The following CREB5 variants were observed in gnomAD, a reference collection of about 807,000 sequenced individuals.
CREB5 encodes cyclic AMP-responsive element-binding protein 5.
Under a neutral mutation model 57.1 loss-of-function variants are expected in CREB5, and 19 were observed. That is an observed-to-expected ratio of 0.33 (90% CI 0.23 to 0.49). The LOEUF is 0.49. CREB5 is among the 20% of genes least tolerant of loss of function. CREB5 has a pLI of 0.99. For synonymous variants in CREB5, 238 were observed against 238.3 expected (o/e 1.00, Z 0.01); for missense variants, 579 against 671.6 (o/e 0.86, Z 1.52).
At chr7:28,661,608 A>T (rs529265013) in intron 5 of CREB5, among the ~76,000 whole-genome samples, 1 of 152,306 alleles carries the variant, frequency 6.6e-6, no homozygotes, top group East Asian at 1.9e-4. Flanking sequence ...AACTTCATAA[A>T]TATAACTCCC....
At chr7:28,622,255 T>TCACACACACA (rs1248916778) in intron 5 of CREB5, among the ~76,000 whole-genome samples, 1 of 140,760 alleles carries the variant, frequency 7.1e-6, no homozygotes, top group African/African-American at 2.8e-5. Context: ...TCTCTCTCTC[T>TCACACACACA]CTCTCACACA....
chr7:28,448,360 A>G lies in CREB5; in HGVS notation c.3+35443A>G, dbSNP rs146077069. Among the ~76,000 whole-genome samples the G allele has an allele frequency of 3.2e-3, 488 of 152,336 alleles. 5 individuals are homozygous for G. Among genetic ancestry groups the G allele is most frequent in the African/African-American group, 0.011 (471 of 41,570 alleles). ...TCTGTCCCTCTAGAGAACCCTGACT[A>G]ACACAGTGTATGTATGGTTTTATTT... On this transcript the variant is annotated intron_variant, in intron 1 of 10. Coordinates refer to ENST00000357727, the MANE Select transcript of CREB5 (RefSeq NM_182898.4).
intron 1 of CREB5, among the ~76,000 whole-genome samples, chr7:28,368,235 G>A (rs1203668056): frequency 3.3e-5 from 5 of 152,128 alleles, no homozygotes; most frequent in Non-Finnish European, 5.9e-5. Flanking sequence ...GGACATTGGA[G>A]CCTTGGAAGG....
chr7:28,754,414 G>C (rs1221417957), intron 7 of CREB5, among the ~76,000 whole-genome samples: 1 of 152,160 alleles, frequency 6.6e-6, no homozygotes, highest in East Asian at 1.9e-4. Flanking sequence ...TATAATTTCT[G>C]CTTCTTTAAA....
intron 9 of CREB5, among the ~76,000 whole-genome samples, chr7:28,817,686 C>G (rs1369518565): frequency 1.3e-5 from 2 of 152,162 alleles, no homozygotes; most frequent in African/African-American, 4.8e-5. Flanking sequence ...CATAGTAACA[C>G]AAATAATGTA....
intron 5 of CREB5, among the ~76,000 whole-genome samples, chr7:28,599,951 C>T (rs310358): frequency 0.99 from 150,744 of 152,178 alleles, 74,683 homozygotes; most frequent in Middle Eastern, 1. Context: ...CTTATAAAGA[C>T]CACAGGGGAT....
intron 4 of CREB5, among the ~76,000 whole-genome samples, chr7:28,525,004 C>T (rs1260358976): frequency 7.1e-6 from 1 of 140,216 alleles, no homozygotes; most frequent in African/African-American, 2.6e-5. Context: ...TTCCCAGCTT[C>T]TGGTAACCAT....
chr7:28,560,827 C>CGTGCGCGTGCGTGCGT (rs1562797026), intron 4 of CREB5, among the ~76,000 whole-genome samples: 1 of 89,024 alleles, frequency 1.1e-5, no homozygotes, highest in Non-Finnish European at 2.3e-5. Context: ...TGTGTGCGCG[C>CGTGCGCGTGCGTGCGT]GCGCGCGTGT....
chr7:28,688,683 T>A (rs569681778), intron 5 of CREB5, among the ~76,000 whole-genome samples: 1 of 152,194 alleles, frequency 6.6e-6, no homozygotes, highest in Admixed American at 6.5e-5. Context: ...TATGTAGTTA[T>A]GTACTTATGG....
chr7:28,763,106 A>C (rs1291525917), intron 7 of CREB5, among the ~76,000 whole-genome samples: 1 of 152,174 alleles, frequency 6.6e-6, no homozygotes, highest in Non-Finnish European at 1.5e-5. Context: ...GTTCCAGGGC[A>C]TCTTGAGGGT....
At chr7:28,673,855 G>A (rs1372842659) in intron 5 of CREB5, among the ~76,000 whole-genome samples, 1 of 151,578 alleles carries the variant, frequency 6.6e-6, no homozygotes, top group Non-Finnish European at 1.5e-5. Flanking sequence ...TGTATTTTTT[G>A]TAGAGACGGG....
At chr7:28,358,090 T>C (rs1456584206) in intron 1 of CREB5, among the ~76,000 whole-genome samples, 1 of 152,160 alleles carries the variant, frequency 6.6e-6, no homozygotes, top group African/African-American at 2.4e-5. Context: ...GTCTGAGGCA[T>C]CTTGCATACA....
chr7:28,521,739 A>G (rs941319880), intron 4 of CREB5, among the ~76,000 whole-genome samples: 1 of 152,142 alleles, frequency 6.6e-6, no homozygotes, highest in Non-Finnish European at 1.5e-5. Context: ...TCTGCACAAT[A>G]CGGTGTCTCT....
intron 1 of CREB5, among the ~76,000 whole-genome samples, chr7:28,417,310 A>C (rs1020460510): frequency 1.3e-5 from 2 of 152,184 alleles, no homozygotes; most frequent in African/African-American, 2.4e-5. Context: ...TATAATCCAT[A>C]TAAAAATGTT....
At chr7:28,643,757 G>C (rs1194555318) in intron 5 of CREB5, among the ~76,000 whole-genome samples, 2 of 82,352 alleles carry the variant, frequency 2.4e-5, no homozygotes, top group East Asian at 9.7e-4. Flanking sequence ...GAGGTGGGGG[G>C]GGGCGGAAGA....
chr7:28,642,191 T>C (rs891101611), intron 5 of CREB5, among the ~76,000 whole-genome samples: 12 of 152,260 alleles, frequency 7.9e-5, no homozygotes, highest in Non-Finnish European at 1.6e-4. Context: ...ACAATAAGTC[T>C]TGTTCATTGA....
At chr7:28,358,643 C>T (rs1432482908) in intron 1 of CREB5, among the ~76,000 whole-genome samples, 2 of 152,174 alleles carry the variant, frequency 1.3e-5, no homozygotes, top group East Asian at 3.8e-4. Flanking sequence ...CATCTGCAGC[C>T]GTCCTGCCTG....
At chr7:28,797,988 G>C (rs962501777) in intron 7 of CREB5, among the ~76,000 whole-genome samples, 1 of 151,602 alleles carries the variant, frequency 6.6e-6, no homozygotes, top group South Asian at 2.1e-4. Context: ...TTACAGTAAT[G>C]CTTTGGAGAG....
chr7:28,472,762 C>T (rs1790884279), intron 1 of CREB5, among the ~76,000 whole-genome samples: 1 of 152,144 alleles, frequency 6.6e-6, no homozygotes, highest in Admixed American at 6.5e-5. Flanking sequence ...CTTCGACGAT[C>T]CAAGGTCTCT....
Sources: allele counts gnomAD v4.1 joint callset (sites outside exome capture counted in the v4.1 genomes callset), GRCh38; gene constraint gnomAD v4.1.1; transcripts MANE v1.5; gene names NCBI Gene and HGNC (gene_info 2026-07-23, HGNC 2026-07-21).